SSMEM1: variants seen among roughly 807,000 people sequenced by gnomAD.
SSMEM1 encodes the protein serine rich single-pass membrane protein 1, also known as serine-rich single-pass membrane protein 1.
A neutral mutation model predicts 9.9 loss-of-function variants in SSMEM1; 12 were observed. That is an observed-to-expected ratio of 1.21 (90% CI 0.78 to 1.96). SSMEM1 has a LOEUF of 1.96. Among genes scored for constraint, SSMEM1 ranks in the 30% most tolerant of loss-of-function variants. The pLI is 0.00. For synonymous variants in SSMEM1, 96 were observed against 98.9 expected (o/e 0.97, Z 0.17); for missense variants, 259 against 292.2 (o/e 0.89, Z 0.83).
At chr7:130,206,295 T>G (rs977972219), upstream of SSMEM1, among the ~76,000 whole-genome samples, 219 of 135,742 alleles carry the variant, frequency 1.6e-3, no homozygotes, top group African/African-American at 5.2e-3. Context: ...GTGAGGTGGA[T>G]GCAGTGCTCC....
intron 1 of SSMEM1, 33 bp from the exon 2 acceptor site, chr7:130,213,447 G>A (rs1363908367): frequency 1.9e-6 from 3 of 1,593,844 alleles, no homozygotes; most frequent in Non-Finnish European, 2.6e-6. Flanking sequence ...AAACAACTGA[G>A]ATCACTCTTA....
Position 130,208,009 on chromosome 7 carries a change from C to T in SSMEM1, c.99C>T (p.Asp33=), listed in dbSNP as rs1798520653. The change falls in exon 1 of 3, where the codon GAC becomes GAT. Residue 33 remains aspartate (D), a synonymous_variant. Transcript: ENST00000297819. ...PNQDYECWKD[D]SCGTIGSFLL... is the part of the protein sequence containing the mutation. The stretch of plus-strand genomic sequence containing the variant: ...AGGATTATGAATGCTGGAAGGATGA[C>T]TCTTGTGGAACCATAGGGAGCTTCC... 2.5e-6 allele frequency: 4 copies of T among 1,614,012 alleles called. No individual in the cohort carries two copies. Among genetic ancestry groups the T allele is most frequent in the Non-Finnish European group, 3.4e-6 (4 of 1,179,986 alleles).
intron 1 of SSMEM1, among the ~76,000 whole-genome samples, chr7:130,209,292 G>A (rs1336227449): frequency 6.6e-6 from 1 of 152,240 alleles, no homozygotes; most frequent in African/African-American, 2.4e-5. Context: ...AAGACTTAAT[G>A]CTCTATGAGC....
Position 130,216,596 on chromosome 7 carries a change from C to T in SSMEM1, c.*126C>T, listed in dbSNP as rs535822389. 2 of 1,202,552 alleles carry T rather than the reference C, an allele frequency of 1.7e-6. No individual in the cohort carries two copies. Among genetic ancestry groups the T allele is most frequent in the Admixed American group, 5.0e-5 (2 of 39,974 alleles). 74.5% of individuals were successfully genotyped at this position (1,202,552 alleles called of 1,614,324 possible). Reference sequence around the variant, plus strand: ...CTCTCTACCAACAAACAAAAACATACTTGGAACCCAAGAGGTAAAATCTCA... The same window carrying T: ...CTCTCTACCAACAAACAAAAACATATTTGGAACCCAAGAGGTAAAATCTCA... On this transcript the variant is annotated 3_prime_UTR_variant, in exon 3 of 3. Coordinates refer to ENST00000297819, the MANE Select transcript of SSMEM1 (RefSeq NM_145268.4).
At chr7:130,205,533 G>C (rs1187502077), upstream of SSMEM1, 2 of 1,177,520 alleles carry the variant, frequency 1.7e-6, no homozygotes, top group East Asian at 2.4e-5. Flanking sequence ...CCAGGCGCTC[G>C]GAGCGTTACC....
rs140752649 is a variant in SSMEM1, at chr7:130,216,379, G to T, written c.644G>T (p.Arg215Leu). ...AACGAATGGTTGGCGCACCATTCCC[G>T]ACAGAAGCCTTCAGTAACACCGCCA... ...RTNEWLAHHS[R>L]QKPSVTPPMK... Residue 215 changes from arginine (R) to leucine (L), a missense_variant, in exon 3 of 3, where the codon CGA (arginine) becomes CTA (leucine). Arg to Leu is a moderately radical substitution (Grantham distance 102). Transcript: ENST00000297819. 1.2e-6 allele frequency: 2 copies of T among 1,614,064 alleles called. No homozygotes were observed. Among genetic ancestry groups the T allele is most frequent in the South Asian group, 1.1e-5 (1 of 91,084 alleles).
At chr7:130,205,532 C>G (rs754673912), upstream of SSMEM1, 1 of 1,175,258 alleles carries the variant, frequency 8.5e-7, no homozygotes, top group African/African-American at 1.5e-5. Context: ...CCCAGGCGCT[C>G]GGAGCGTTAC....
At chr7:130,207,693 T>C (rs1399572188), upstream of SSMEM1, 1 of 662,002 alleles carries the variant, frequency 1.5e-6, no homozygotes, top group Non-Finnish European at 2.8e-6. Context: ...CATATTGAGG[T>C]ATGGGGGAAA....
upstream of SSMEM1, among the ~76,000 whole-genome samples, chr7:130,207,190 A>G (rs1798499490): frequency 6.6e-6 from 1 of 152,228 alleles, no homozygotes; most frequent in Non-Finnish European, 1.5e-5. Context: ...AGCATTATGT[A>G]TTAGGGCTGC....
At position 130,216,433 on chromosome 7, in the gene SSMEM1, C is replaced by T. The variant is rs768395125; in HGVS notation, c.698C>T (p.Ser233Phe). The T allele has an allele frequency of 1.2e-6, 2 of 1,612,534 alleles. No homozygotes were observed. Among genetic ancestry groups the T allele is most frequent in the African/African-American group, 1.3e-5 (1 of 74,990 alleles). Residue 233 changes from serine to phenylalanine, a missense_variant, in exon 3 of 3, where the codon TCC becomes TTC. Coordinates refer to ENST00000297819, the MANE Select transcript of SSMEM1 (RefSeq NM_145268.4). Reference sequence around the variant, plus strand: ...AAAAGAGACAGTCAAGAGGAAAGTTCCATATCTGACATTAACAAGAAATTT... The same window carrying T: ...AAAAGAGACAGTCAAGAGGAAAGTTTCATATCTGACATTAACAAGAAATTT... ...PMKRDSQEESSISDINKKFSK... is the reference protein window; with the variant it reads ...PMKRDSQEESFISDINKKFSK...
intron 1 of SSMEM1, among the ~76,000 whole-genome samples, chr7:130,208,773 A>G (rs1798536351): frequency 6.6e-6 from 1 of 152,244 alleles, no homozygotes; most frequent in South Asian, 2.1e-4. Flanking sequence ...AAACAGAACT[A>G]AAGTCACCAC....
rs748815761 is a variant in SSMEM1 at position 130,213,508 on chromosome 7, G to A, written c.212G>A (p.Ser71Asn). Reference protein sequence around the residue: ...WMSEDKKDEGSGTSTSVRKAS... With the variant: ...WMSEDKKDEGNGTSTSVRKAS... ...TCTGAGGATAAAAAGGATGAAGGCA[G>A]TGGGACAAGTACTTCAGTAAGGAAA... The change falls in exon 2 of 3, where the codon AGT becomes AAT. Residue 71 changes from serine (S) to asparagine (N), a missense_variant. By Grantham distance (46) the Ser-to-Asn change is conservative. Coordinates refer to ENST00000297819, the MANE Select transcript of SSMEM1 (RefSeq NM_145268.4). 1 of 1,611,692 alleles carries A rather than the reference G, an allele frequency of 6.2e-7. No homozygotes were observed. Among genetic ancestry groups the A allele is most frequent in the Non-Finnish European group, 8.5e-7 (1 of 1,178,456 alleles).
chr7:130,213,279 T>C (rs757465943), intron 1 of SSMEM1, among the ~76,000 whole-genome samples: 7 of 151,922 alleles, frequency 4.6e-5, no homozygotes, highest in South Asian at 2.1e-4. Context: ...ACCCGGAAGA[T>C]AGAGGTTGCA....
upstream of SSMEM1, chr7:130,205,577 CAGCTGCGGGAGAA>C (rs1364662064): frequency 9.8e-6 from 7 of 716,346 alleles, no homozygotes; most frequent in Non-Finnish European, 1.7e-5. Context: ...GGCTCCCACT[CAGCTGCGGGAGAA>C]AGCTAAGCAG....
chr7:130,210,669 A>G (rs1798574584), intron 1 of SSMEM1, among the ~76,000 whole-genome samples: 1 of 152,232 alleles, frequency 6.6e-6, no homozygotes, highest in South Asian at 2.1e-4. Flanking sequence ...GCAGAAAGAG[A>G]GCCACGGCCC....
chr7:130,213,339 C>T (rs978302979), intron 1 of SSMEM1, 141 bp from the exon 2 acceptor site: 32 of 493,058 alleles, frequency 6.5e-5, no homozygotes, highest in Middle Eastern at 1.3e-3. Flanking sequence ...CAGAGTGAGA[C>T]TCTCCAAAAA....
upstream of SSMEM1, chr7:130,207,619 G>T (rs1354848152): frequency 1.8e-5 from 8 of 438,286 alleles, no homozygotes; most frequent in Middle Eastern, 6.9e-4. Context: ...TAAACACTTA[G>T]ACGTGAAGAT....
chr7:130,213,587 G>A (rs1296981665), intron 2 of SSMEM1, 53 bp downstream of exon 2: 3 of 1,521,442 alleles, frequency 2.0e-6, no homozygotes, highest in Non-Finnish European at 2.7e-6. Flanking sequence ...AATATGTGTG[G>A]TGTTGCATGC....
intron 1 of SSMEM1, among the ~76,000 whole-genome samples, chr7:130,210,921 G>C (rs1167555748): frequency 6.6e-6 from 1 of 151,990 alleles, no homozygotes; most frequent in Non-Finnish European, 1.5e-5. Context: ...TATTACAAAA[G>C]TACACATTAT....
Sources: gnomAD v4.1 joint callset for allele counts (sites outside exome capture counted in the v4.1 genomes callset) on GRCh38, gnomAD v4.1.1 for gene constraint, MANE v1.5 for transcripts, NCBI Gene and HGNC (gene_info 2026-07-23, HGNC 2026-07-21) for gene names.